The following FMN1 variants were observed in gnomAD, a reference collection of about 807,000 sequenced individuals.
FMN1 encodes the protein formin-1.
In FMN1, 110 loss-of-function variants were observed where a neutral mutation model predicts 132.4. That is an observed-to-expected ratio of 0.83 (90% CI 0.71 to 0.97). The LOEUF is 0.97. Ranked by LOEUF, FMN1 falls within the 50% of genes least tolerant of loss-of-function variation. FMN1 has a pLI of 0.00. For synonymous variants in FMN1, 722 were observed against 651.7 expected, an observed-to-expected ratio of 1.11 and a Z score of -1.64; for missense variants, 1,792 against 1,705.3, an observed-to-expected ratio of 1.05 and a Z score of -0.90.
At chr15:33,139,838 T>C (rs4779609) in intron 4 of FMN1, among the ~76,000 whole-genome samples, 66,783 of 151,838 alleles carry the variant, frequency 0.44, 15,924 homozygotes, top group South Asian at 0.55. Context: ...ATCCTTTTCA[T>C]CTTTACTATT....
At chr15:32,947,843 C>A (rs148280096) in intron 9 of FMN1, among the ~76,000 whole-genome samples, 1 of 151,944 alleles carries the variant, frequency 6.6e-6, no homozygotes. Context: ...ACTAGGTTTA[C>A]TCTATTCTCT....
At position 32,927,340 on chromosome 15, in the gene FMN1, T is replaced by C. The variant is rs139886300; in HGVS notation, c.3139-1079A>G. On this transcript the variant is annotated intron_variant, in intron 9 of 20. Transcript: ENST00000616417. The stretch of plus-strand genomic sequence containing the variant: ...GACGCAATCACAGCTCACTGTAATT[T>C]TGAACTCCTGGGCTCAAGGGATCCT... Among the ~76,000 whole-genome samples, 170 of 152,254 alleles carry C rather than the reference T, an allele frequency of 1.1e-3. 1 individual carries two copies. The highest frequency in any genetic ancestry group is 3.9e-3 in the African/African-American group (163 of 41,568).
At chr15:33,098,175 G>A (rs532368148) in intron 4 of FMN1, among the ~76,000 whole-genome samples, 2 of 152,148 alleles carry the variant, frequency 1.3e-5, no homozygotes, top group African/African-American at 4.8e-5. Context: ...GAATCACAAA[G>A]GAAATTAGAA....
intron 4 of FMN1, among the ~76,000 whole-genome samples, chr15:33,137,079 C>T (rs1210328660): frequency 1.9e-5 from 2 of 107,424 alleles, no homozygotes; most frequent in Non-Finnish European, 3.6e-5. Flanking sequence ...CAGAGCAAGA[C>T]CCCGTCTCAA....
rs1019859414 is a variant in FMN1, at chr15:32,770,715, G to A, written c.*3595C>T. On this transcript the variant is annotated 3_prime_UTR_variant, in exon 21 of 21. Transcript: ENST00000616417. ...GTCCTTGATAGGGGAGGGGAGGGGA[G>A]ACTGCATGCCATCTGATATTCAATT... 4 of 152,170 alleles carry A rather than the reference G, an allele frequency of 2.6e-5. No homozygotes were observed. Among genetic ancestry groups the A allele is most frequent in the African/African-American group, 4.8e-5 (2 of 41,430 alleles). The allele number at this position is 152,170 out of a possible 1,614,324, so 9.4% of individuals were successfully genotyped here. A position where few individuals can be genotyped will look rare whatever the true frequency, so the allele number is the denominator to read the frequency against.
At chr15:32,811,256 G>C (rs146870172) in intron 17 of FMN1, 23 of 365,524 alleles carry the variant, frequency 6.3e-5, no homozygotes, top group South Asian at 4.8e-4. Context: ...AGTTTTCCTG[G>C]TTGTGGTGAA....
chr15:32,985,820 TG>T (rs2033032299), intron 7 of FMN1, among the ~76,000 whole-genome samples: 1 of 152,148 alleles, frequency 6.6e-6, no homozygotes, highest in South Asian at 2.1e-4. Flanking sequence ...GTCGATCAAT[TG>T]ATCTCAAATG....
chr15:33,098,593 G>A (rs1441737454), intron 4 of FMN1, among the ~76,000 whole-genome samples: 1 of 152,134 alleles, frequency 6.6e-6, no homozygotes, highest in Non-Finnish European at 1.5e-5. Flanking sequence ...AGGCACTCAG[G>A]GCTTTCAGTT....
Position 33,040,013 on chromosome 15 carries a change from G to A in FMN1, c.2161+24944C>T, listed in dbSNP as rs112891705. Among the ~76,000 whole-genome samples the A allele has an allele frequency of 9.6e-3, 1,463 of 152,234 alleles. 24 individuals are homozygous for A. The highest frequency in any genetic ancestry group is 0.032 in the African/African-American group (1,325 of 41,514). On this transcript the variant is annotated intron_variant, in intron 6 of 20. Coordinates refer to ENST00000616417, the MANE Select transcript of FMN1 (RefSeq NM_001277313.2). ...TCAGTGGCTCCCCCAGCTGTCTACA[G>A]TCCAAAGTGCTCAGCATGGCATGCC...
chr15:32,838,714 C>T (rs74011858), intron 17 of FMN1, among the ~76,000 whole-genome samples: 181 of 152,246 alleles, frequency 1.2e-3, no homozygotes, highest in Middle Eastern at 6.8e-3. Context: ...ACTTCCTGCT[C>T]ATTAAAAAAT....
At position 33,154,308 on chromosome 15, in the gene FMN1, G is replaced by A; in HGVS notation, c.607C>T (p.Pro203Ser). The change falls in exon 4 of 21, where the codon CCT (proline) becomes TCT (serine). Residue 203 changes from proline (P) to serine (S), a missense_variant. Pro to Ser is a moderately conservative substitution (Grantham distance 74). Coordinates refer to ENST00000616417, the MANE Select transcript of FMN1 (RefSeq NM_001277313.2). ...AGGTTAGGCCTTGTTCTAGAAAGAG[G>A]AAGGGAGTGGCTGGAACAGATCTTG... is the stretch of plus-strand genomic sequence containing the variant. The part of the protein sequence containing the change: ...KDKICSSHSL[P>S]LSRTRPNLWV... 6.5e-7 allele frequency: 1 copy of A among 1,536,194 alleles called. No homozygotes were observed. Among genetic ancestry groups the A allele is most frequent in the African/African-American group, 1.4e-5 (1 of 73,178 alleles).
intron 2 of FMN1, among the ~76,000 whole-genome samples, chr15:33,185,107 G>A (rs1197776125): frequency 2.6e-5 from 4 of 152,162 alleles, no homozygotes; most frequent in Non-Finnish European, 5.9e-5. Flanking sequence ...CATGATTATT[G>A]AAGGTTAGCA....
intron 3 of FMN1, among the ~76,000 whole-genome samples, chr15:33,169,016 A>G (rs986175123): frequency 2.0e-5 from 3 of 152,198 alleles, no homozygotes; most frequent in Admixed American, 6.5e-5. Context: ...GATACTTTAT[A>G]CAAAAATCTC....
Position 32,883,503 on chromosome 15 carries a change from C to G in FMN1, c.3835+4669G>C, listed in dbSNP as rs190291819. On this transcript the variant is annotated intron_variant, in intron 16 of 20. Transcript: ENST00000616417. The stretch of plus-strand genomic sequence containing the variant: ...CAAGCCTGGGCAATAGAGCAAGAAC[C>G]TATCTCAAAAAAAAAAAAAAAAAAA... Among the ~76,000 whole-genome samples, 260 of 61,994 alleles carry G rather than the reference C, an allele frequency of 4.2e-3. 1 individual carries two copies. Among genetic ancestry groups the G allele is most frequent in the African/African-American group, 0.016 (247 of 15,522 alleles). The allele number at this position is 61,994 out of a possible 152,430, so 40.7% of individuals were successfully genotyped here.
At chr15:33,074,146 C>A (rs942270667) in intron 5 of FMN1, among the ~76,000 whole-genome samples, 1 of 152,222 alleles carries the variant, frequency 6.6e-6, no homozygotes. Flanking sequence ...GGCATCCCAT[C>A]TCCTGTTCAC....
Position 33,088,791 on chromosome 15 carries a change from C to T in FMN1, c.2043+8G>A. The stretch of plus-strand genomic sequence containing the variant: ...AACCACAGCACAATCACCAAGATTT[C>T]TACTTACATGGAGATCCAAGTACAA... On this transcript the variant is annotated splice_region_variant and intron_variant, in intron 5 of 20. Transcript: ENST00000616417. The T allele has an allele frequency of 6.5e-7, 1 of 1,533,728 alleles. No individual in the cohort carries two copies. Among genetic ancestry groups the T allele is most frequent in the African/African-American group, 1.4e-5 (1 of 73,060 alleles).
intron 6 of FMN1, among the ~76,000 whole-genome samples, chr15:33,048,631 C>CAAAAAAAAAAAAAAAAA (rs768997793): frequency 6.9e-5 from 3 of 43,432 alleles, no homozygotes; most frequent in Admixed American, 5.8e-4. Context: ...GGCAATTTAC[C>CAAAAAAAAAAAAAAAAA]AAAAAAAAAA....
intron 4 of FMN1, among the ~76,000 whole-genome samples, chr15:33,128,097 G>A (rs913765100): frequency 1.3e-5 from 2 of 152,118 alleles, no homozygotes; most frequent in African/African-American, 4.8e-5. Context: ...CAAGAATGAG[G>A]CCAGAAGAAG....
At chr15:32,929,981 ATTTTTTTTT>A (rs377263342) in intron 9 of FMN1, among the ~76,000 whole-genome samples, 27 of 91,970 alleles carry the variant, frequency 2.9e-4, no homozygotes, top group African/African-American at 1.3e-3. Context: ...CTATTTTTAA[ATTTTTTTTT>A]TTTTTTTTTT....
Sources: gnomAD v4.1 joint callset for allele counts (sites outside exome capture counted in the v4.1 genomes callset) on GRCh38, gnomAD v4.1.1 for gene constraint, MANE v1.5 for transcripts, NCBI Gene and HGNC (gene_info 2026-07-23, HGNC 2026-07-21) for gene names.